KCNAB1: variants seen among roughly 807,000 people sequenced by gnomAD.
The protein encoded by KCNAB1 is voltage-gated potassium channel subunit beta-1.
In KCNAB1, 35 loss-of-function variants were observed where a neutral mutation model predicts 64.6. The observed-to-expected ratio is 0.54, with a 90% CI of 0.41 to 0.72. The LOEUF (loss-of-function observed/expected upper bound fraction) is 0.72, where lower values mean the gene tolerates loss of function less well. Ranked by LOEUF, KCNAB1 falls within the 30% of genes least tolerant of loss-of-function variation. KCNAB1 has a pLI of 0.00. For synonymous variants in KCNAB1, 177 were observed against 183.8 expected, an observed-to-expected ratio of 0.96 and a Z score of 0.30; for missense variants, 401 against 512.9, an observed-to-expected ratio of 0.78 and a Z score of 2.11.
chr3:156,489,303 G>A (rs1232449832), intron 8 of KCNAB1, among the ~76,000 whole-genome samples: 3 of 152,130 alleles, frequency 2.0e-5, no homozygotes, highest in South Asian at 2.1e-4. Context: ...AGAGGATGGG[G>A]AGAAGCGTGT....
Position 156,452,705 on chromosome 3 carries a change from C to T in KCNAB1, c.320-194C>T, listed in dbSNP as rs1182928232. 6.6e-6 allele frequency among the ~76,000 whole-genome samples: 1 copy of T among 152,128 alleles called. No individual in the cohort carries two copies. Among genetic ancestry groups the T allele is most frequent in the East Asian group, 1.9e-4 (1 of 5,180 alleles). ...CCCTTTCTCCAGAGGGATACAGACC[C>T]CTTCTGGAATACTTAGTGAGAAGAA... On this transcript the variant is annotated intron_variant, in intron 2 of 13. Coordinates refer to ENST00000490337, the MANE Select transcript of KCNAB1 (RefSeq NM_172160.3). This position sits in a 1 kb window ranked among gnomAD's most constrained non-coding sequence, Gnocchi z 4.6.
intron 1 of KCNAB1, among the ~76,000 whole-genome samples, chr3:156,239,273 G>A (rs537762336): frequency 5.0e-4 from 76 of 152,298 alleles, no homozygotes; most frequent in African/African-American, 1.6e-3. Context: ...TCATTGGGCA[G>A]CACACTGTTT....
chr3:156,267,513 G>A (rs1718788629), intron 1 of KCNAB1, among the ~76,000 whole-genome samples: 2 of 152,042 alleles, frequency 1.3e-5, no homozygotes, highest in Non-Finnish European at 2.9e-5. Context: ...TTTATTCCAG[G>A]CTGTCCTCAA....
At chr3:156,133,461 C>T (rs1001920078) in intron 1 of KCNAB1, among the ~76,000 whole-genome samples, 1 of 152,170 alleles carries the variant, frequency 6.6e-6, no homozygotes, top group African/African-American at 2.4e-5. Context: ...CATTTAAGGA[C>T]ATTCTTTTAT....
chr3:156,129,557 A>C (rs764135505), intron 1 of KCNAB1, among the ~76,000 whole-genome samples: 18 of 152,156 alleles, frequency 1.2e-4, no homozygotes, highest in Admixed American at 6.5e-4. Flanking sequence ...AACCCCTTAC[A>C]ATCTGTGTGA....
chr3:156,381,605 G>A (rs1712163204), intron 1 of KCNAB1, among the ~76,000 whole-genome samples: 1 of 152,192 alleles, frequency 6.6e-6, no homozygotes, highest in Non-Finnish European at 1.5e-5. Flanking sequence ...ACTTCTCACT[G>A]AACTAAATCA....
rs73025789 is a variant in KCNAB1, at chr3:156,513,793, T to C, written c.659-571T>C. On this transcript the variant is annotated intron_variant, in intron 8 of 13. Transcript: ENST00000490337. Reference sequence around the variant, plus strand: ...AAGTGATCAAGGACAGGGTGTGTCATTGCAAGCTGTGAGCCACGGTGACTT... The same window carrying C: ...AAGTGATCAAGGACAGGGTGTGTCACTGCAAGCTGTGAGCCACGGTGACTT... 5.4e-3 allele frequency among the ~76,000 whole-genome samples: 817 copies of C among 152,312 alleles called. 9 individuals are homozygous for C. The highest frequency in any genetic ancestry group is 0.018 in the African/African-American group (768 of 41,556).
At chr3:156,403,246 G>A (rs1277101312) in intron 1 of KCNAB1, among the ~76,000 whole-genome samples, 2 of 152,170 alleles carry the variant, frequency 1.3e-5, no homozygotes, top group Non-Finnish European at 2.9e-5. Flanking sequence ...GTGAAGCCTG[G>A]TCACCATGCC....
chr3:156,480,991 A>G (rs1714756242), intron 8 of KCNAB1, among the ~76,000 whole-genome samples: 1 of 152,022 alleles, frequency 6.6e-6, no homozygotes, highest in African/African-American at 2.4e-5. Context: ...CTACTTGAAA[A>G]CCCATCTTGG....
intron 1 of KCNAB1, among the ~76,000 whole-genome samples, chr3:156,155,930 G>C (rs1715685039): frequency 6.6e-6 from 1 of 152,198 alleles, no homozygotes; most frequent in Admixed American, 6.5e-5. Flanking sequence ...TTTCCCACTG[G>C]AGTTGTGTGG....
chr3:156,244,116 T>G (rs566557905), intron 1 of KCNAB1, among the ~76,000 whole-genome samples: 2 of 152,378 alleles, frequency 1.3e-5, no homozygotes, highest in South Asian at 4.1e-4. Context: ...ACAAATTTAG[T>G]GGCTTAAAAC....
Position 156,396,721 on chromosome 3 carries a change from A to G in KCNAB1, c.276-24895A>G, listed in dbSNP as rs369375362. 1.6e-4 allele frequency among the ~76,000 whole-genome samples: 24 copies of G among 152,330 alleles called. No individual in the cohort carries two copies. In the East Asian group the frequency reaches 4.2e-3, roughly 27 times the overall value. On this transcript the variant is annotated intron_variant, in intron 1 of 13. Coordinates refer to ENST00000490337, the MANE Select transcript of KCNAB1 (RefSeq NM_172160.3). ...CTGCCTGGGTATATATTTGGCAGCA[A>G]TATTCATTTTTCAACATTTCCAATG...
At chr3:156,456,142 A>G (rs1712411381) in intron 3 of KCNAB1, 1 of 152,254 alleles carries the variant, frequency 6.6e-6, no homozygotes, top group African/African-American at 2.4e-5. Flanking sequence ...CCTCAAGGCC[A>G]GAAATCACTC....
chr3:156,463,692 T>G lies in KCNAB1; in HGVS notation c.483-10T>G. 1.3e-6 allele frequency: 2 copies of G among 1,595,208 alleles called. No homozygotes were observed. Among genetic ancestry groups the G allele is most frequent in the Non-Finnish European group, 1.7e-6 (2 of 1,171,126 alleles). Reference sequence around the variant, plus strand: ...TACTACTTCTCTGTGTTTGTCTTTTTGATATACAGGAGGTCCAGTCTGGTC... The same window carrying G: ...TACTACTTCTCTGTGTTTGTCTTTTGGATATACAGGAGGTCCAGTCTGGTC... On this transcript the variant is annotated splice_polypyrimidine_tract_variant and intron_variant, in intron 5 of 13. Coordinates refer to ENST00000490337, the MANE Select transcript of KCNAB1 (RefSeq NM_172160.3).
intron 1 of KCNAB1, among the ~76,000 whole-genome samples, chr3:156,172,812 T>C (rs1712091937): frequency 6.6e-6 from 1 of 152,156 alleles, no homozygotes. Flanking sequence ...CAGAGAATAC[T>C]CTCTGAGCTG....
At chr3:156,120,519 G>A (rs561317403), upstream of KCNAB1, 2,234 of 1,405,028 alleles carry the variant, frequency 1.6e-3, 6 homozygotes, top group Non-Finnish European at 1.9e-3. Flanking sequence ...GAGGTGGAGT[G>A]GGCAGGGACG....
intron 1 of KCNAB1, among the ~76,000 whole-genome samples, chr3:156,295,776 T>C (rs1313468306): frequency 6.6e-6 from 1 of 152,190 alleles, no homozygotes; most frequent in African/African-American, 2.4e-5. Flanking sequence ...ATATTATATA[T>C]TACATGCATA....
intron 1 of KCNAB1, among the ~76,000 whole-genome samples, chr3:156,378,359 A>G (rs1486490084): frequency 1.3e-5 from 2 of 152,076 alleles, no homozygotes; most frequent in Admixed American, 6.6e-5. Flanking sequence ...CACCCAGAAA[A>G]AAAGGCAGAC....
chr3:156,169,740 C>T (rs917572283), intron 1 of KCNAB1, among the ~76,000 whole-genome samples: 1 of 152,220 alleles, frequency 6.6e-6, no homozygotes, highest in Non-Finnish European at 1.5e-5. Flanking sequence ...CCCACTTGCG[C>T]TCTTTCTCTC....
Sources: gnomAD v4.1 joint callset for allele counts (sites outside exome capture counted in the v4.1 genomes callset) on GRCh38, gnomAD v4.1.1 for gene constraint, Gnocchi (gnomAD v3.1) non-coding constraint, MANE v1.5 for transcripts, NCBI Gene and HGNC (gene_info 2026-07-23, HGNC 2026-07-21) for gene names.